Variants in CAMK2D observed in about 807,000 individuals in gnomAD.
CAMK2D encodes calcium/calmodulin-dependent protein kinase type II subunit delta.
CAMK2D carries 37 observed loss-of-function variants against 84.0 expected under a neutral mutation model. The observed-to-expected ratio is 0.44, with a 90% confidence interval of 0.34 to 0.58. CAMK2D has a LOEUF of 0.58. Among genes scored for constraint, CAMK2D ranks in the 20% least tolerant of loss-of-function variants. The probability of loss-of-function intolerance (pLI) is 0.02; values close to 1 mark genes in which losing one functional copy is unlikely to be tolerated. For missense variants in CAMK2D, 448 were observed against 652.5 expected, an observed-to-expected ratio of 0.69 and a Z score of 3.41; for synonymous variants, 202 against 212.5, an observed-to-expected ratio of 0.95 and a Z score of 0.43.
intron 7 of CAMK2D, among the ~76,000 whole-genome samples, chr4:113,532,102 G>T (rs1364814019): frequency 6.6e-6 from 1 of 152,012 alleles, no homozygotes; most frequent in African/African-American, 2.4e-5. Context: ...GAAACACACT[G>T]TATACTTATT....
chr4:113,701,612 C>T (rs569338880), intron 2 of CAMK2D, among the ~76,000 whole-genome samples: 130 of 152,254 alleles, frequency 8.5e-4, no homozygotes, highest in Middle Eastern at 3.4e-3. Context: ...CCCTGCCATT[C>T]GTCACTGAAT....
intron 14 of CAMK2D, among the ~76,000 whole-genome samples, chr4:113,504,309 T>C (rs2098097336): frequency 6.6e-6 from 1 of 152,184 alleles, no homozygotes; most frequent in African/African-American, 2.4e-5. Context: ...TAGTCGTTAA[T>C]TGTGTGGATT....
intron 5 of CAMK2D, among the ~76,000 whole-genome samples, chr4:113,550,104 AT>A (rs920439075): frequency 2.6e-5 from 4 of 152,012 alleles, no homozygotes; most frequent in Non-Finnish European, 4.4e-5. Context: ...GGACTTCACC[AT>A]TTTTTTTACT....
At chr4:113,530,070 T>G (rs1427763851) in intron 8 of CAMK2D, among the ~76,000 whole-genome samples, 1 of 152,254 alleles carries the variant, frequency 6.6e-6, no homozygotes, top group Non-Finnish European at 1.5e-5. Flanking sequence ...GTTTGAGAAC[T>G]TCTACTGTAA....
chr4:113,645,646 A>T (rs17630813), intron 3 of CAMK2D, among the ~76,000 whole-genome samples: 7,987 of 152,154 alleles, frequency 0.052, 582 homozygotes, highest in African/African-American at 0.16. Flanking sequence ...GAGTAGTCAA[A>T]TAAAGGGCTA....
chr4:113,708,129 T>C (rs2099468750), intron 2 of CAMK2D, among the ~76,000 whole-genome samples: 1 of 152,090 alleles, frequency 6.6e-6, no homozygotes, highest in South Asian at 2.1e-4. Flanking sequence ...TCCCATTCTC[T>C]CCCCCTTCCC....
chr4:113,522,848 C>A (rs1285039897), intron 8 of CAMK2D, among the ~76,000 whole-genome samples: 1 of 152,158 alleles, frequency 6.6e-6, no homozygotes, highest in Non-Finnish European at 1.5e-5. Flanking sequence ...ACTAAGACAG[C>A]AGACTGCCTG....
intron 16 of CAMK2D, among the ~76,000 whole-genome samples, chr4:113,466,901 C>CTG (rs1468676599): frequency 6.6e-6 from 1 of 152,130 alleles, no homozygotes; most frequent in Non-Finnish European, 1.5e-5. Flanking sequence ...ACTTTCTGTA[C>CTG]TGTGTAATGT....
chr4:113,653,551 G>C (rs190620036), intron 3 of CAMK2D, among the ~76,000 whole-genome samples: 16 of 152,050 alleles, frequency 1.1e-4, no homozygotes, highest in Non-Finnish European at 1.8e-4. Context: ...AAAAAACTGC[G>C]TCGCTTTCTT....
At chr4:113,746,627 G>A (rs1406703271) in intron 2 of CAMK2D, among the ~76,000 whole-genome samples, 1 of 152,026 alleles carries the variant, frequency 6.6e-6, no homozygotes, top group African/African-American at 2.4e-5. Context: ...ATTGGGTGAA[G>A]GGGGCAAAGT....
intron 16 of CAMK2D, among the ~76,000 whole-genome samples, chr4:113,498,939 T>C (rs571309657): frequency 1.3e-5 from 2 of 152,168 alleles, no homozygotes; most frequent in South Asian, 2.1e-4. Context: ...ATGAACTGCA[T>C]ATAGTAAGGT....
At chr4:113,624,279 T>C (rs565202631) in intron 3 of CAMK2D, among the ~76,000 whole-genome samples, 1 of 152,316 alleles carries the variant, frequency 6.6e-6, no homozygotes, top group Admixed American at 6.5e-5. Flanking sequence ...ACAGCCAAGA[T>C]GTACCATGGA....
At chr4:113,759,132 A>G (rs1001946794) in intron 2 of CAMK2D, 188 bp downstream of exon 2, 4 of 359,118 alleles carry the variant, frequency 1.1e-5, no homozygotes, top group African/African-American at 2.1e-5. Context: ...AATAATAATT[A>G]TATCTTTCCA....
At chr4:113,604,376 T>TG (rs1429343858) in intron 4 of CAMK2D, among the ~76,000 whole-genome samples, 4 of 152,246 alleles carry the variant, frequency 2.6e-5, no homozygotes, top group African/African-American at 7.2e-5. Context: ...CACTTATATC[T>TG]GTTATGCTCT....
At chr4:113,558,668 CACT>C (rs749198139) in intron 4 of CAMK2D, among the ~76,000 whole-genome samples, 7 of 152,198 alleles carry the variant, frequency 4.6e-5, no homozygotes, top group Non-Finnish European at 1.0e-4. Flanking sequence ...CACACACATA[CACT>C]ACTATGTCAT....
At chr4:113,535,708 A>C (rs1295798136) in intron 7 of CAMK2D, among the ~76,000 whole-genome samples, 2 of 152,166 alleles carry the variant, frequency 1.3e-5, no homozygotes, top group Non-Finnish European at 2.9e-5. Context: ...GAATGCCTTA[A>C]TCTTCTTGCA....
chr4:113,684,992 C>G (rs975110115), intron 2 of CAMK2D, among the ~76,000 whole-genome samples: 1 of 152,172 alleles, frequency 6.6e-6, no homozygotes, highest in Non-Finnish European at 1.5e-5. Context: ...GATGACCAGA[C>G]AGGCCTCTAA....
Position 113,547,632 on chromosome 4 carries a change from C to A in CAMK2D, c.414+12G>T. 3 of 1,531,298 alleles carry A rather than the reference C, an allele frequency of 2.0e-6. No individual in the cohort carries two copies. Among genetic ancestry groups the A allele is most frequent in the Non-Finnish European group, 1.8e-6 (2 of 1,134,498 alleles). 94.9% of individuals were successfully genotyped at this position (1,531,298 alleles called of 1,614,324 possible). A position where few individuals can be genotyped will look rare whatever the true frequency, so the allele number is the denominator to read the frequency against. On this transcript the variant is annotated intron_variant, in intron 6 of 20. Transcript: ENST00000511664. The stretch of plus-strand genomic sequence containing the variant: ...TGTGTGGTGGTTTATCTTCTTCAAC[C>A]GCATTACTCACCTTCAGGTCCCGAT...
chr4:113,595,080 G>C (rs1381042670), intron 4 of CAMK2D, among the ~76,000 whole-genome samples: 2 of 151,970 alleles, frequency 1.3e-5, no homozygotes, highest in African/African-American at 4.8e-5. Flanking sequence ...TCTTTACAAA[G>C]ATTCTCAGAA....
Sources: allele counts gnomAD v4.1 joint callset (sites outside exome capture counted in the v4.1 genomes callset), GRCh38; gene constraint gnomAD v4.1.1; transcripts MANE v1.5; gene names NCBI Gene and HGNC (gene_info 2026-07-23, HGNC 2026-07-21).